The following PDE7B variants were observed in gnomAD, a reference collection of about 807,000 sequenced individuals.
PDE7B encodes the protein 3',5'-cyclic-AMP phosphodiesterase 7B.
PDE7B carries 29 observed loss-of-function variants against 56.2 expected under a neutral mutation model. The observed-to-expected ratio is 0.52, with a 90% CI of 0.38 to 0.70. The LOEUF (loss-of-function observed/expected upper bound fraction) is 0.70. PDE7B is among the 30% of genes least tolerant of loss of function. The pLI is 0.00. For missense variants in PDE7B, 490 were observed against 565.0 expected (o/e 0.87, Z 1.35); for synonymous variants, 197 against 196.9 (o/e 1.00, Z 0.00).
intron 5 of PDE7B, 61 bp downstream of exon 5, chr6:136,149,211 A>G: frequency 8.7e-7 from 1 of 1,144,064 alleles, no homozygotes; most frequent in South Asian, 1.3e-5. Context: ...TAATTTCATG[A>G]AAAACAAAAT....
At chr6:135,857,660 A>G (rs987497334) in intron 1 of PDE7B, among the ~76,000 whole-genome samples, 3 of 152,170 alleles carry the variant, frequency 2.0e-5, no homozygotes, top group African/African-American at 7.2e-5. Flanking sequence ...TTATTTTTGC[A>G]TTGTTTGTAA....
chr6:135,915,449 A>G (rs367580457), intron 1 of PDE7B, among the ~76,000 whole-genome samples: 14 of 152,262 alleles, frequency 9.2e-5, no homozygotes, highest in East Asian at 3.9e-4. Context: ...CCAGTATTTG[A>G]TGTTGTCAAT....
intron 3 of PDE7B, among the ~76,000 whole-genome samples, chr6:136,130,665 T>C (rs1404517209): frequency 6.6e-6 from 1 of 152,188 alleles, no homozygotes; most frequent in Non-Finnish European, 1.5e-5. Flanking sequence ...CTCTGGGTAG[T>C]TGAGGACAGA....
intron 3 of PDE7B, among the ~76,000 whole-genome samples, chr6:136,133,044 A>G (rs186773746): frequency 1.8e-3 from 281 of 152,288 alleles, no homozygotes; most frequent in African/African-American, 6.2e-3. Flanking sequence ...TAAAAAACAC[A>G]TAATTAAATC....
At chr6:135,914,877 G>A (rs186560460) in intron 1 of PDE7B, among the ~76,000 whole-genome samples, 8 of 150,908 alleles carry the variant, frequency 5.3e-5, no homozygotes, top group East Asian at 2.0e-4. Context: ...GGCAGATCAC[G>A]AGGTCAGGAG....
At chr6:135,938,832 G>T in intron 1 of PDE7B, among the ~76,000 whole-genome samples, 1 of 152,084 alleles carries the variant, frequency 6.6e-6, no homozygotes, top group East Asian at 1.9e-4. Context: ...GGGATAAAAT[G>T]ACAGAAAACA....
At chr6:135,951,269 A>T (rs1206098224) in intron 2 of PDE7B, among the ~76,000 whole-genome samples, 1 of 152,198 alleles carries the variant, frequency 6.6e-6, no homozygotes, top group Non-Finnish European at 1.5e-5. Context: ...AATTGGCCTC[A>T]GAAGTTTATA....
rs565373722 is a variant in PDE7B, at chr6:135,983,560, T to G, written c.82+36036T>G. Among the ~76,000 whole-genome samples, 35 of 152,306 alleles carry G rather than the reference T, an allele frequency of 2.3e-4. No homozygotes were observed. The South Asian group carries it at 7.2e-3, about 32-fold the overall frequency. Reference sequence around the variant, plus strand: ...CAATTATTACATTTGTCTTAAAGCCTATAAAGGTTTTTTAAAATTCAATTG... The same window carrying G: ...CAATTATTACATTTGTCTTAAAGCCGATAAAGGTTTTTTAAAATTCAATTG... On this transcript the variant is annotated intron_variant, in intron 2 of 12. Coordinates refer to ENST00000308191, the MANE Select transcript of PDE7B (RefSeq NM_018945.4).
chr6:136,037,363 C>A (rs935237288), intron 2 of PDE7B: 17 of 947,260 alleles, frequency 1.8e-5, no homozygotes, highest in Non-Finnish European at 7.5e-6. Context: ...TCCCTTCCAG[C>A]TGAAGGGCAG....
At position 136,180,486 on chromosome 6, in the gene PDE7B, G is replaced by A. The variant is rs531526438; in HGVS notation, c.949-741G>A. ...ATATAAACAACTAAATTTGCAAGTT[G>A]ATATGATCCAAGGGTCTTCCAGACC... is the stretch of plus-strand genomic sequence containing the variant. On this transcript the variant is annotated intron_variant, in intron 10 of 12. Coordinates refer to ENST00000308191, the MANE Select transcript of PDE7B (RefSeq NM_018945.4). Among the ~76,000 whole-genome samples the A allele has an allele frequency of 1.2e-4, 19 of 152,316 alleles. No homozygotes were observed. The East Asian group carries it at 3.1e-3, about 25-fold the overall frequency.
intron 2 of PDE7B, among the ~76,000 whole-genome samples, chr6:136,069,690 T>C (rs1777012378): frequency 6.6e-6 from 1 of 151,900 alleles, no homozygotes; most frequent in Admixed American, 6.6e-5. Context: ...TATACAGTTA[T>C]AAAGTGTGAA....
At chr6:135,938,658 C>T (rs1774459207) in intron 1 of PDE7B, among the ~76,000 whole-genome samples, 1 of 152,156 alleles carries the variant, frequency 6.6e-6, no homozygotes, top group Admixed American at 6.5e-5. Context: ...CTATGGGAAT[C>T]AGGACTAACC....
chr6:135,900,536 C>A (rs956624079), intron 1 of PDE7B, among the ~76,000 whole-genome samples: 1 of 151,976 alleles, frequency 6.6e-6, no homozygotes. Context: ...TTCAATTCTA[C>A]CCTATTTTAC....
At position 136,147,354 on chromosome 6, in the gene PDE7B, C is replaced by A. The variant is rs779658500; in HGVS notation, c.170C>A (p.Thr57Lys). ...TTGACTTGATGACTTTCCACAGGTA[C>A]AACATACTCAGGGGAGATTGGCACC... Reference protein sequence around the residue: ...PFIDFRLLNSTTYSGEIGTKK... With the variant: ...PFIDFRLLNSKTYSGEIGTKK... Residue 57 changes from threonine to lysine, a missense_variant, in exon 4 of 13, where the codon ACA becomes AAA. Thr to Lys is a moderately conservative substitution (Grantham distance 78). Transcript: ENST00000308191. The A allele has an allele frequency of 6.2e-7, 1 of 1,608,976 alleles. No individual in the cohort carries two copies. The highest frequency in any genetic ancestry group is 1.3e-5 in the African/African-American group (1 of 74,934).
At chr6:135,872,919 C>T (rs1159947434) in intron 1 of PDE7B, among the ~76,000 whole-genome samples, 1 of 152,042 alleles carries the variant, frequency 6.6e-6, no homozygotes, top group Non-Finnish European at 1.5e-5. Flanking sequence ...CTCATTTCTC[C>T]ACATCCAAAT....
At chr6:136,165,065 T>C (rs1220159690) in intron 8 of PDE7B, among the ~76,000 whole-genome samples, 1 of 152,202 alleles carries the variant, frequency 6.6e-6, no homozygotes, top group Admixed American at 6.5e-5. Flanking sequence ...GTGAGGAAAG[T>C]ATAGTTTTTC....
At chr6:135,888,168 C>T (rs890415607) in intron 1 of PDE7B, among the ~76,000 whole-genome samples, 15 of 152,054 alleles carry the variant, frequency 9.9e-5, no homozygotes, top group African/African-American at 1.9e-4. Flanking sequence ...CAGTGAGTTT[C>T]GTTTTAAAGA....
intron 2 of PDE7B, among the ~76,000 whole-genome samples, chr6:135,953,248 C>T (rs1263620933): frequency 6.6e-6 from 1 of 151,934 alleles, no homozygotes; most frequent in African/African-American, 2.4e-5. Flanking sequence ...TCACTTGCTT[C>T]AGCTTTTGGT....
rs1457746105 is a variant in PDE7B at position 135,935,218 on chromosome 6, T to TATATATATATATATATATA, written c.22-12246_22-12245insATATATATATATATATATA. 9.2e-3 allele frequency among the ~76,000 whole-genome samples: 317 copies of TATATATATATATATATATA among 34,640 alleles called. 32 individuals are homozygous for TATATATATATATATATATA. Among genetic ancestry groups the TATATATATATATATATATA allele is most frequent in the Non-Finnish European group, 0.012 (244 of 19,834 alleles). 22.7% of individuals were successfully genotyped at this position (34,640 alleles called of 152,430 possible). ...TATATATATATATATATATATATAT[T>TATATATATATATATATATA]TTCATGATTCTTGCTCTCCAGGAAA... On this transcript the variant is annotated intron_variant, in intron 1 of 12. Coordinates refer to ENST00000308191, the MANE Select transcript of PDE7B (RefSeq NM_018945.4).
Sources: allele counts gnomAD v4.1 joint callset (sites outside exome capture counted in the v4.1 genomes callset), GRCh38; gene constraint gnomAD v4.1.1; transcripts MANE v1.5; gene names NCBI Gene and HGNC (gene_info 2026-07-23, HGNC 2026-07-21).